OPA1: variants seen among roughly 807,000 people sequenced by gnomAD.
The protein encoded by OPA1 is dynamin-like GTPase OPA1, mitochondrial.
In OPA1, 59 loss-of-function variants were observed where a neutral mutation model predicts 152.9. The observed-to-expected ratio is 0.39, with a 90% confidence interval of 0.31 to 0.48. The LOEUF (loss-of-function observed/expected upper bound fraction) is 0.48, where lower values mean the gene tolerates loss of function less well. OPA1 is among the 20% of genes least tolerant of loss of function. The pLI, the probability that OPA1 is intolerant of heterozygous loss-of-function variation, is 0.96. For synonymous variants in OPA1, 400 were observed against 389.9 expected (o/e 1.03, Z -0.31); for missense variants, 1,008 against 1,216.8 (o/e 0.83, Z 2.55).
chr3:193,650,757 G>A (rs1011818922), intron 21 of OPA1, among the ~76,000 whole-genome samples: 4 of 152,048 alleles, frequency 2.6e-5, no homozygotes, highest in Non-Finnish European at 4.4e-5. Context: ...GCATTTTTAC[G>A]CTGTGCCTGG....
intron 29 of OPA1, among the ~76,000 whole-genome samples, chr3:193,676,849 C>A (rs538532676): frequency 6.6e-6 from 1 of 151,860 alleles, no homozygotes; most frequent in East Asian, 1.9e-4. Flanking sequence ...GGCGTGGTGG[C>A]GGGCGCCTGT....
chr3:193,659,568 A>G lies in OPA1; in HGVS notation c.2520+7A>G, dbSNP rs1479591493. On this transcript the variant is annotated splice_region_variant and intron_variant, in intron 25 of 30. Coordinates refer to ENST00000361510, the MANE Select transcript of OPA1 (RefSeq NM_130837.3). ...GAATCGGACCCAAGAACAGGTAGAA[A>G]TAAACAAGTCTCTAGTCTTATGATG... 3.7e-6 allele frequency: 6 copies of G among 1,605,226 alleles called. No individual in the cohort carries two copies. Among genetic ancestry groups the G allele is most frequent in the Non-Finnish European group, 5.1e-6 (6 of 1,173,422 alleles).
chr3:193,594,965 A>G (rs1254651950), intron 1 of OPA1, among the ~76,000 whole-genome samples: 1 of 152,244 alleles, frequency 6.6e-6, no homozygotes, highest in Admixed American at 6.5e-5. Context: ...AGCAATTAAG[A>G]TGTATAAGAA....
chr3:193,596,342 T>C lies in OPA1; in HGVS notation c.32+2933T>C, dbSNP rs1215777503. On this transcript the variant is annotated intron_variant, in intron 1 of 30. Coordinates refer to ENST00000361510, the MANE Select transcript of OPA1 (RefSeq NM_130837.3). ...TTTCCTTTCCTTTCCTTTCCTTTTC[T>C]TTTCTTTTCTTTTCTTTTCTTAATT... 4.0e-3 allele frequency among the ~76,000 whole-genome samples: 558 copies of C among 138,520 alleles called. 13 individuals carry two copies. The highest frequency in any genetic ancestry group is 0.015 in the African/African-American group (529 of 36,228). The allele number at this position is 138,520 out of a possible 152,430, so 90.9% of individuals were successfully genotyped here. A position where few individuals can be genotyped will look rare whatever the true frequency, so the allele number is the denominator to read the frequency against.
chr3:193,609,442 C>A (rs528797346), intron 1 of OPA1, among the ~76,000 whole-genome samples: 1 of 152,322 alleles, frequency 6.6e-6, no homozygotes, highest in East Asian at 1.9e-4. Context: ...TGTGGGTAAC[C>A]TGACCTTTCT....
At chr3:193,682,195 C>T (rs1348336643) in intron 29 of OPA1, among the ~76,000 whole-genome samples, 2 of 152,200 alleles carry the variant, frequency 1.3e-5, no homozygotes, top group African/African-American at 4.8e-5. Context: ...TCAAACCAGC[C>T]ATAACATTCC....
At position 193,664,957 on chromosome 3, in the gene OPA1, A is replaced by G. The variant is rs1163888855; in HGVS notation, c.2739A>G (p.Arg913=). 12 of 1,607,798 alleles carry G rather than the reference A, an allele frequency of 7.5e-6. No individual in the cohort carries two copies. The highest frequency in any genetic ancestry group is 1.0e-5 in the Non-Finnish European group (12 of 1,174,938). ...TAAACCATTGTAACCTTTGTCGAAG[A>G]GGTTTTTATTACTACCAAAGGCATT... ...TALNHCNLCR[R]GFYYYQRHFV... is the part of the protein sequence containing the mutation. Residue 913 remains arginine (R), a synonymous_variant, in exon 27 of 31, where the codon AGA becomes AGG. Transcript: ENST00000361510.
Position 193,611,596 on chromosome 3 carries a change from CAAAAAAAAAAAA to C in OPA1, c.33-3113_33-3102del, listed in dbSNP as rs35159597. ...TGGGTGACAGAGCAAGACTCCACCT[CAAAAAAAAAAAA>C]AAAAAAAAAAAAAGTTCAGCTAAGG... On this transcript the variant is annotated intron_variant, in intron 1 of 30. Transcript: ENST00000361510. 1.6e-4 allele frequency among the ~76,000 whole-genome samples: 11 copies of C among 68,786 alleles called. No homozygotes were observed. The East Asian group carries it at 3.3e-3, about 21-fold the overall frequency. 45.1% of individuals were successfully genotyped at this position (68,786 alleles called of 152,430 possible). A position where few individuals can be genotyped will look rare whatever the true frequency, so the allele number is the denominator to read the frequency against.
intron 21 of OPA1, among the ~76,000 whole-genome samples, chr3:193,649,965 C>T (rs1014613416): frequency 9.2e-5 from 14 of 151,994 alleles, no homozygotes; most frequent in Non-Finnish European, 1.8e-4. Context: ...ATACTAGTTG[C>T]CTTGCTAGAT....
At position 193,614,931 on chromosome 3, in the gene OPA1, G is replaced by A. The variant is rs1464030807; in HGVS notation, c.241G>A (p.Gly81Ser). Reference protein sequence around the residue: ...RKLKFSPIKYGYQPRRNFWPA... With the variant: ...RKLKFSPIKYSYQPRRNFWPA... ...ACTGAAATTCTCTCCAATTAAATAT[G>A]GCTACCAGCCTCGCAGGAATTTTTG... The change falls in exon 2 of 31, where the codon GGC (glycine) becomes AGC (serine). Residue 81 changes from glycine (G) to serine (S), a missense_variant. Coordinates refer to ENST00000361510, the MANE Select transcript of OPA1 (RefSeq NM_130837.3). 1.2e-6 allele frequency: 2 copies of A among 1,613,648 alleles called. No homozygotes were observed. The highest frequency in any genetic ancestry group is 1.7e-6 in the Non-Finnish European group (2 of 1,179,774).
rs1255269888 is a variant in OPA1 at position 193,596,392 on chromosome 3, GTTCTTTTCTT to G, written c.32+3005_32+3014del. On this transcript the variant is annotated intron_variant, in intron 1 of 30. Transcript: ENST00000361510. ...TTTCTTTTCTTTTCTTTTCTTTTCT[GTTCTTTTCTT>G]TTCTTTTCTTTTCTTTTCTTTCACA... is the stretch of plus-strand genomic sequence containing the variant. 1.6e-4 allele frequency among the ~76,000 whole-genome samples: 17 copies of G among 106,892 alleles called. 1 individual carries two copies. The highest frequency in any genetic ancestry group is 6.8e-4 in the South Asian group (2 of 2,932). 70.1% of individuals were successfully genotyped at this position (106,892 alleles called of 152,430 possible). A position where few individuals can be genotyped will look rare whatever the true frequency, so the allele number is the denominator to read the frequency against.
rs768836087 is a variant in OPA1, at chr3:193,600,726, A to G, written c.32+7317A>G. ...CATTGTTACCTTGTTAATACAAGTC[A>G]TAATAACTTGAAAACCTGCTAGAAG... On this transcript the variant is annotated intron_variant, in intron 1 of 30. Transcript: ENST00000361510. Among the ~76,000 whole-genome samples, 60 of 152,242 alleles carry G rather than the reference A, an allele frequency of 3.9e-4. 1 individual carries two copies. The highest frequency in any genetic ancestry group is 6.0e-4 in the Non-Finnish European group (41 of 68,036).
At position 193,613,604 on chromosome 3, in the gene OPA1, G is replaced by A. The variant is rs570195686; in HGVS notation, c.33-1119G>A. On this transcript the variant is annotated intron_variant, in intron 1 of 30. Transcript: ENST00000361510. ...TTGTTTGTTTTTTTTTGGAGGTGGAGTCTCACTCTGTTGCCCAGGCTGGAG... is the reference window on the plus strand; with the variant it reads ...TTGTTTGTTTTTTTTTGGAGGTGGAATCTCACTCTGTTGCCCAGGCTGGAG... 2.0e-5 allele frequency among the ~76,000 whole-genome samples: 3 copies of A among 151,180 alleles called. No homozygotes were observed. In the South Asian group the frequency reaches 6.3e-4, roughly 32 times the overall value.
intron 22 of OPA1, 126 bp downstream of exon 22, chr3:193,655,153 T>C (rs1020666475): frequency 1.7e-5 from 14 of 846,532 alleles, no homozygotes; most frequent in Non-Finnish European, 2.4e-5. Context: ...TCATTTATTC[T>C]TTATTCCTCA....
intron 17 of OPA1, 36 bp downstream of exon 17, chr3:193,645,661 T>C: frequency 1.2e-6 from 2 of 1,605,854 alleles, no homozygotes; most frequent in Admixed American, 1.7e-5. Context: ...TTATTTTTAG[T>C]TTCTGTTGTT....
At chr3:193,600,664 G>A (rs116696291) in intron 1 of OPA1, among the ~76,000 whole-genome samples, 1,868 of 152,276 alleles carry the variant, frequency 0.012, 33 homozygotes, top group Middle Eastern at 0.027. Context: ...ATCATAGTTC[G>A]CTGTAAAGTA....
In OPA1 at chr3:193,688,449, C is replaced by CTTTTTTTTTTTTTTTTTTTTTTTT. The variant is rs766448341; in HGVS notation, c.2984-3590_2984-3567dup. On this transcript the variant is annotated intron_variant, in intron 29 of 30. Coordinates refer to ENST00000361510, the MANE Select transcript of OPA1 (RefSeq NM_130837.3). ...TGATTTTTACTGAAATGGGTCTTTT[C>CTTTTTTTTTTTTTTTTTTTTTTTT]TTTTTTTTTTTTTTTTTTTTTTTTT... 1.1e-4 allele frequency among the ~76,000 whole-genome samples: 7 copies of CTTTTTTTTTTTTTTTTTTTTTTTT among 63,362 alleles called. 1 individual carries two copies. The highest frequency in any genetic ancestry group is 2.3e-4 in the Non-Finnish European group (7 of 30,310). 41.6% of individuals were successfully genotyped at this position (63,362 alleles called of 152,430 possible).
intron 8 of OPA1, among the ~76,000 whole-genome samples, chr3:193,633,025 T>C (rs181601543): frequency 1.5e-4 from 23 of 152,258 alleles, no homozygotes; most frequent in African/African-American, 5.5e-4. Context: ...ATGTTTTGAG[T>C]CACAGGTTTC....
chr3:193,689,614 G>A (rs1473828351), intron 29 of OPA1, among the ~76,000 whole-genome samples: 2 of 152,110 alleles, frequency 1.3e-5, no homozygotes, highest in Non-Finnish European at 2.9e-5. Context: ...AATTCAATTG[G>A]ATCTTCTCTG....
Sources: allele counts gnomAD v4.1 joint callset (sites outside exome capture counted in the v4.1 genomes callset), GRCh38; gene constraint gnomAD v4.1.1; transcripts MANE v1.5; gene names NCBI Gene and HGNC (gene_info 2026-07-23, HGNC 2026-07-21).